Variants in ARNT observed in about 807,000 individuals in gnomAD.
The protein encoded by ARNT is aryl hydrocarbon receptor nuclear translocator.
Under a neutral mutation model 105.0 loss-of-function variants are expected in ARNT, and 30 were observed. The observed-to-expected ratio is 0.29, with a 90% CI of 0.21 to 0.39. The LOEUF (loss-of-function observed/expected upper bound fraction) is 0.39, where lower values mean the gene tolerates loss of function less well. ARNT is among the 10% of genes least tolerant of loss of function. ARNT has a pLI of 1.00. For synonymous variants in ARNT, 304 were observed against 344.0 expected, an observed-to-expected ratio of 0.88 and a Z score of 1.29; for missense variants, 748 against 978.7, an observed-to-expected ratio of 0.76 and a Z score of 3.15.
intron 14 of ARNT, among the ~76,000 whole-genome samples, chr1:150,820,008 G>A (rs1656731069): frequency 6.6e-6 from 1 of 152,180 alleles, no homozygotes; most frequent in Non-Finnish European, 1.5e-5. Context: ...AGTAACTAAT[G>A]AAAGAGGAGG....
intron 2 of ARNT, among the ~76,000 whole-genome samples, chr1:150,856,081 A>G (rs966796315): frequency 9.2e-5 from 14 of 152,222 alleles, no homozygotes; most frequent in Admixed American, 2.0e-4. Context: ...GCACTAAAAA[A>G]CATGGTAGTA....
rs1009186433 is a variant in ARNT at position 150,852,129 on chromosome 1, G to A, written c.182+633C>T. Among the ~76,000 whole-genome samples, 3 of 152,146 alleles carry A rather than the reference G, an allele frequency of 2.0e-5. No homozygotes were observed. The East Asian group carries it at 5.8e-4, about 29-fold the overall frequency. Reference sequence around the variant, plus strand: ...TCAACAGGTGTCAGAGGGTATGACAGAGTCACAGATTAATGACACCTCAAC... The same window carrying A: ...TCAACAGGTGTCAGAGGGTATGACAAAGTCACAGATTAATGACACCTCAAC... On this transcript the variant is annotated intron_variant, in intron 3 of 21. Transcript: ENST00000358595.
rs775596380 is a variant in ARNT at position 150,829,892 on chromosome 1, AT to A, written c.1032+11del. Reference sequence around the variant, plus strand: ...TTGAACGGGAATATAGATGTGGAAAATTCATACTTGCCTGCAATCTGCCAAT... The same window carrying A: ...TTGAACGGGAATATAGATGTGGAAAATCATACTTGCCTGCAATCTGCCAAT... On this transcript the variant is annotated intron_variant, in intron 11 of 21. Coordinates refer to ENST00000358595, the MANE Select transcript of ARNT (RefSeq NM_001668.4). 1.2e-6 allele frequency: 2 copies of A among 1,614,106 alleles called. No homozygotes were observed. The highest frequency in any genetic ancestry group is 1.7e-6 in the Non-Finnish European group (2 of 1,179,940).
chr1:150,817,831 A>T, intron 15 of ARNT, 89 bp downstream of exon 15: 1 of 1,114,782 alleles, frequency 9.0e-7, no homozygotes, highest in South Asian at 1.6e-5. Context: ...AAAAAAAAAA[A>T]TTAACCAACC....
chr1:150,826,207 G>T (rs1658220342), intron 13 of ARNT, among the ~76,000 whole-genome samples: 1 of 152,200 alleles, frequency 6.6e-6, no homozygotes, highest in Non-Finnish European at 1.5e-5. Context: ...GAGCCACCAT[G>T]CCCAGACGAG....
intron 12 of ARNT, among the ~76,000 whole-genome samples, chr1:150,827,017 GT>G (rs1658426278): frequency 6.6e-6 from 1 of 150,424 alleles, no homozygotes. Flanking sequence ...TATTTCTTCT[GT>G]TTTAATCCTA....
At chr1:150,841,482 G>C (rs1661290919) in intron 5 of ARNT, among the ~76,000 whole-genome samples, 1 of 152,026 alleles carries the variant, frequency 6.6e-6, no homozygotes, top group African/African-American at 2.4e-5. Context: ...AACAGTGAAA[G>C]GGTTAGTAAG....
Position 150,816,263 on chromosome 1 carries a change from G to A in ARNT, c.1946C>T (p.Ala649Val), listed in dbSNP as rs1361678365. The change falls in exon 19 of 22, where the codon GCC becomes GTC. Residue 649 changes from alanine (A) to valine (V), a missense_variant. Physicochemically the swap from Ala to Val is moderately conservative, Grantham distance 64. Transcript: ENST00000358595. ...WTPTTRSGFS[A>V]QQVATQATAK... ...CACACAGATGATAAGTTTTACCTGGGCAGAAAAGCCTGAGCGGGTAGTAGG... is the reference window on the plus strand; with the variant it reads ...CACACAGATGATAAGTTTTACCTGGACAGAAAAGCCTGAGCGGGTAGTAGG... 2 of 1,601,312 alleles carry A rather than the reference G, an allele frequency of 1.2e-6. No homozygotes were observed. The highest frequency in any genetic ancestry group is 1.7e-6 in the Non-Finnish European group (2 of 1,176,548).
intron 5 of ARNT, among the ~76,000 whole-genome samples, chr1:150,841,670 T>C (rs1018609005): frequency 2.0e-5 from 3 of 152,200 alleles, no homozygotes; most frequent in Admixed American, 6.5e-5. Context: ...TTCTGCAGCA[T>C]TTCTACATTA....
At chr1:150,847,514 C>T (rs12077878) in intron 3 of ARNT, among the ~76,000 whole-genome samples, 150,746 of 151,516 alleles carry the variant, frequency 0.99, 74,997 homozygotes, top group Middle Eastern at 1. Context: ...AGATAAACTA[C>T]GATAGTCTTT....
rs587603610 is a variant in ARNT at position 150,876,532 on chromosome 1, C to T, written c.25+11G>A. On this transcript the variant is annotated intron_variant, in intron 1 of 21. Transcript: ENST00000358595. The stretch of plus-strand genomic sequence containing the variant: ...CCCCTTTAGAGGCGCCCCAGTCCTC[C>T]GTCTCCTCACCGGGGTTGGCAGTAG... 3 of 1,551,226 alleles carry T rather than the reference C, an allele frequency of 1.9e-6. No homozygotes were observed. Among genetic ancestry groups the T allele is most frequent in the African/African-American group, 2.7e-5 (2 of 73,290 alleles).
rs375531372 is a variant in ARNT, at chr1:150,836,441, G to A, written c.539C>T (p.Ser180Leu). The A allele has an allele frequency of 7.8e-5, 126 of 1,614,004 alleles. No individual in the cohort carries two copies. The highest frequency in any genetic ancestry group is 4.7e-4 in the South Asian group (43 of 91,088). ...ATACACCACCCTGCCTGTCTCACAT[G>A]AGACAATAAACAGAAAGCCATCTGC... is the stretch of plus-strand genomic sequence containing the variant. ...EAADGFLFIV[S>L]CETGRVVYVS... Residue 180 changes from serine (S) to leucine (L), a missense_variant, in exon 7 of 22, where the codon TCA becomes TTA. By Grantham distance (145) the Ser-to-Leu change is moderately radical. Transcript: ENST00000358595.
rs769627449 is a variant in ARNT at position 150,823,182 on chromosome 1, T to G, written c.1394+12A>C. On this transcript the variant is annotated intron_variant, in intron 14 of 21. Transcript: ENST00000358595. ...GAAAAACAGTTTTTTCACACTCCTG[T>G]ATAATACATACTTCACATTGGTGTT... is the stretch of plus-strand genomic sequence containing the variant. The G allele has an allele frequency of 1.5e-5, 24 of 1,598,218 alleles. No individual in the cohort carries two copies. Among genetic ancestry groups the G allele is most frequent in the Non-Finnish European group, 1.9e-5 (22 of 1,169,306 alleles).
chr1:150,829,599 A>G, intron 11 of ARNT: 2 of 567,040 alleles, frequency 3.5e-6, no homozygotes, highest in South Asian at 1.7e-5. Flanking sequence ...TCAGGTAATG[A>G]TACAATGAAA....
intron 12 of ARNT, among the ~76,000 whole-genome samples, chr1:150,828,254 C>T (rs1658650849): frequency 6.6e-6 from 1 of 151,390 alleles, no homozygotes; most frequent in African/African-American, 2.4e-5. Flanking sequence ...TTATTTGTAA[C>T]TTTAGCTCTT....
At chr1:150,821,963 G>T (rs1657193652) in intron 14 of ARNT, among the ~76,000 whole-genome samples, 1 of 151,222 alleles carries the variant, frequency 6.6e-6, no homozygotes. Context: ...AAAGTGATGG[G>T]ATTACAGGTG....
intron 2 of ARNT, among the ~76,000 whole-genome samples, chr1:150,854,350 G>T (rs1251535630): frequency 6.6e-6 from 1 of 151,006 alleles, no homozygotes; most frequent in Admixed American, 6.6e-5. Flanking sequence ...TTGAACTCAG[G>T]AGTTTAAGAC....
intron 1 of ARNT, among the ~76,000 whole-genome samples, chr1:150,869,479 A>AAAAAC (rs1188749030): frequency 2.0e-5 from 3 of 152,188 alleles, no homozygotes; most frequent in African/African-American, 4.8e-5. Flanking sequence ...TCAGTCTCAA[A>AAAAAC]AAAACAAAAC....
chr1:150,867,728 T>C (rs1030887040), intron 1 of ARNT, among the ~76,000 whole-genome samples: 43 of 152,102 alleles, frequency 2.8e-4, no homozygotes, highest in African/African-American at 1.0e-3. Context: ...TGGGAGGTTA[T>C]TGGATCATAG....
Sources: allele counts gnomAD v4.1 joint callset (sites outside exome capture counted in the v4.1 genomes callset), GRCh38; gene constraint gnomAD v4.1.1; transcripts MANE v1.5; gene names NCBI Gene and HGNC (gene_info 2026-07-23, HGNC 2026-07-21).